NTNG1: variants seen among roughly 807,000 people sequenced by gnomAD.
NTNG1 encodes netrin G1.
Under a neutral mutation model 54.0 loss-of-function variants are expected in NTNG1, and 16 were observed. The ratio of observed to expected loss-of-function variants is 0.30; its 90% CI spans 0.20 to 0.45. The LOEUF (loss-of-function observed/expected upper bound fraction) is 0.45. Ranked by LOEUF, NTNG1 falls within the 20% of genes least tolerant of loss-of-function variation. The pLI is 1.00. For synonymous variants in NTNG1, 255 were observed against 263.1 expected, an observed-to-expected ratio of 0.97 and a Z score of 0.30; for missense variants, 530 against 678.7, an observed-to-expected ratio of 0.78 and a Z score of 2.43.
At chr1:107,411,618 C>T (rs1321164328) in intron 5 of NTNG1, among the ~76,000 whole-genome samples, 1 of 152,026 alleles carries the variant, frequency 6.6e-6, no homozygotes, top group Admixed American at 6.6e-5. Context: ...TTTAATACTT[C>T]TAAATCCCCC....
At chr1:107,330,155 T>C (rs1395215677) in intron 3 of NTNG1, among the ~76,000 whole-genome samples, 3 of 151,990 alleles carry the variant, frequency 2.0e-5, no homozygotes, top group African/African-American at 4.8e-5. Context: ...CAGTAAAGAA[T>C]TGATGGAGTT....
intron 2 of NTNG1, among the ~76,000 whole-genome samples, chr1:107,282,502 A>G (rs1489886261): frequency 2.0e-5 from 3 of 152,130 alleles, no homozygotes; most frequent in Non-Finnish European, 4.4e-5. Flanking sequence ...CATTTCTGTA[A>G]CACTACTGAG....
chr1:107,314,783 G>A (rs1450313577), intron 2 of NTNG1, among the ~76,000 whole-genome samples: 2 of 152,284 alleles, frequency 1.3e-5, no homozygotes, highest in South Asian at 2.1e-4. Context: ...GACTGGACTC[G>A]TGTCCTGACT....
intron 3 of NTNG1, among the ~76,000 whole-genome samples, chr1:107,335,248 A>G (rs532704785): frequency 9.7e-4 from 148 of 152,156 alleles, no homozygotes; most frequent in African/African-American, 3.4e-3. Flanking sequence ...TAAAATCGCA[A>G]TATCACTATA....
At chr1:107,355,950 G>A (rs888459154) in intron 3 of NTNG1, among the ~76,000 whole-genome samples, 2 of 152,100 alleles carry the variant, frequency 1.3e-5, no homozygotes, top group African/African-American at 2.4e-5. Flanking sequence ...AAATTATTGT[G>A]TCCTAAAAAG....
At chr1:107,287,421 C>G (rs1413211375) in intron 2 of NTNG1, among the ~76,000 whole-genome samples, 1 of 152,146 alleles carries the variant, frequency 6.6e-6, no homozygotes, top group Non-Finnish European at 1.5e-5. Context: ...CAAAGACTTT[C>G]CACTGCTTGG....
chr1:107,400,999 T>A (rs568022935), intron 4 of NTNG1, among the ~76,000 whole-genome samples: 2 of 152,284 alleles, frequency 1.3e-5, no homozygotes, highest in East Asian at 3.9e-4. Flanking sequence ...AATAGCCCTG[T>A]AATGTGCACG....
intron 7 of NTNG1, among the ~76,000 whole-genome samples, chr1:107,459,436 T>C (rs1235836198): frequency 6.6e-6 from 1 of 151,690 alleles, no homozygotes; most frequent in Non-Finnish European, 1.5e-5. Context: ...TCTTTGAAAA[T>C]ACCCTTGCCA....
At chr1:107,376,373 A>C (rs1297553109) in intron 3 of NTNG1, among the ~76,000 whole-genome samples, 1 of 150,950 alleles carries the variant, frequency 6.6e-6, no homozygotes, top group African/African-American at 2.4e-5. Flanking sequence ...GCGCCACTGC[A>C]CTCCAGCCTG....
intron 5 of NTNG1, among the ~76,000 whole-genome samples, chr1:107,418,042 A>T (rs1674332522): frequency 6.6e-6 from 1 of 152,078 alleles, no homozygotes; most frequent in African/African-American, 2.4e-5. Flanking sequence ...AGCCAAAACC[A>T]CCAGTTTTCC....
intron 7 of NTNG1, among the ~76,000 whole-genome samples, chr1:107,455,327 G>A (rs543836066): frequency 6.6e-6 from 1 of 152,206 alleles, no homozygotes; most frequent in Non-Finnish European, 1.5e-5. Flanking sequence ...GCCTCCCAAA[G>A]TGCTGGGATT....
intron 2 of NTNG1, among the ~76,000 whole-genome samples, chr1:107,163,367 G>T (rs759584500): frequency 2.6e-5 from 4 of 151,960 alleles, no homozygotes; most frequent in Non-Finnish European, 5.9e-5. Context: ...TTAGCACAGG[G>T]CCTGGCATAT....
chr1:107,161,788 A>G (rs902009757), intron 2 of NTNG1, among the ~76,000 whole-genome samples: 9 of 151,982 alleles, frequency 5.9e-5, no homozygotes, highest in Admixed American at 3.3e-4. Flanking sequence ...AGTTGAAATA[A>G]TCTTTGTCCC....
intron 2 of NTNG1, among the ~76,000 whole-genome samples, chr1:107,295,584 G>GT (rs889374837): frequency 6.6e-6 from 1 of 151,996 alleles, no homozygotes; most frequent in Non-Finnish European, 1.5e-5. Flanking sequence ...ATGGCAACCT[G>GT]TTTTTTCATT....
chr1:107,331,329 T>G (rs149864296), intron 3 of NTNG1, among the ~76,000 whole-genome samples: 17 of 152,106 alleles, frequency 1.1e-4, no homozygotes, highest in Admixed American at 1.1e-3. Context: ...CTTAGAATGT[T>G]CTGGGAGTCA....
At chr1:107,283,767 A>G (rs1665018292) in intron 2 of NTNG1, among the ~76,000 whole-genome samples, 1 of 152,134 alleles carries the variant, frequency 6.6e-6, no homozygotes, top group South Asian at 2.1e-4. Flanking sequence ...GTGGATCCCT[A>G]TGGCATAACA....
At chr1:107,462,071 C>T (rs1225868279) in intron 7 of NTNG1, among the ~76,000 whole-genome samples, 1 of 152,110 alleles carries the variant, frequency 6.6e-6, no homozygotes, top group Non-Finnish European at 1.5e-5. Flanking sequence ...TGGGATCTGT[C>T]GTAGTCTCTG....
Position 107,324,484 on chromosome 1 carries a change from T to C in NTNG1, c.449T>C (p.Ile150Thr). 6.2e-7 allele frequency: 1 copy of C among 1,613,828 alleles called. No individual in the cohort carries two copies. Among genetic ancestry groups the C allele is most frequent in the Non-Finnish European group, 8.5e-7 (1 of 1,179,850 alleles). ...KTIELTDNIV[I>T]TFESGRPDQM... ...ATTGAGCTAACAGACAACATAGTTA[T>C]TACCTTTGAATCTGGGCGTCCAGAC... The change falls in exon 3 of 8, where the codon ATT (isoleucine) becomes ACT (threonine). Residue 150 changes from isoleucine (I) to threonine (T), a missense_variant. Physicochemically the swap from Ile to Thr is moderately conservative, Grantham distance 89 (BLOSUM62 -1). This residue lies in a region of NTNG1 where 318 missense variants were observed against 465.1 expected (regional missense o/e 0.68). Transcript: ENST00000370068.
At chr1:107,271,165 C>G (rs1047351912) in intron 2 of NTNG1, among the ~76,000 whole-genome samples, 1 of 152,074 alleles carries the variant, frequency 6.6e-6, no homozygotes, top group Non-Finnish European at 1.5e-5. Flanking sequence ...TAGCATAAAT[C>G]AATCCAAACT....
Sources: gnomAD v4.1 joint callset for allele counts (sites outside exome capture counted in the v4.1 genomes callset) on GRCh38, gnomAD v4.1.1 for gene constraint, gnomAD v4.1.1 regional missense constraint, MANE v1.5 for transcripts, NCBI Gene and HGNC (gene_info 2026-07-23, HGNC 2026-07-21) for gene names.